The following HECW1 variants were observed in gnomAD, a reference collection of about 807,000 sequenced individuals.
The protein encoded by HECW1 is HECT, C2 and WW domain containing E3 ubiquitin protein ligase 1.
HECW1 carries 61 observed loss-of-function variants against 182.3 expected under a neutral mutation model. The observed-to-expected ratio is 0.33, with a 90% CI of 0.27 to 0.41. HECW1 has a LOEUF of 0.41. Among genes scored for constraint, HECW1 ranks in the 10% least tolerant of loss-of-function variants. The pLI is 1.00. For missense variants in HECW1, 1,739 were observed against 2,108.9 expected, an observed-to-expected ratio of 0.82 and a Z score of 3.44; for synonymous variants, 859 against 832.6, an observed-to-expected ratio of 1.03 and a Z score of -0.55.
chr7:43,190,788 C>G (rs1793844348), intron 2 of HECW1, among the ~76,000 whole-genome samples: 1 of 152,230 alleles, frequency 6.6e-6, no homozygotes, highest in African/African-American at 2.4e-5. Context: ...CTCCCTTATT[C>G]AAGGCCTCTA....
At chr7:43,151,962 A>G (rs6970166) in intron 2 of HECW1, among the ~76,000 whole-genome samples, 109,981 of 151,942 alleles carry the variant, frequency 0.72, 40,121 homozygotes, top group South Asian at 0.87. Flanking sequence ...TAATTTCATG[A>G]GTAAAGACAT....
intron 24 of HECW1, among the ~76,000 whole-genome samples, chr7:43,518,809 G>A (rs1335812538): frequency 6.6e-6 from 1 of 152,128 alleles, no homozygotes; most frequent in East Asian, 1.9e-4. Context: ...AGGTAACAAT[G>A]ATATATCACC....
intron 9 of HECW1, among the ~76,000 whole-genome samples, chr7:43,441,380 C>T (rs750719561): frequency 4.6e-5 from 7 of 152,086 alleles, no homozygotes; most frequent in Non-Finnish European, 7.4e-5. Flanking sequence ...GAGCAGGTGC[C>T]ATTCTGTAGC....
chr7:43,550,337 T>C, intron 26 of HECW1, 108 bp from the exon 27 acceptor site: 1 of 1,168,084 alleles, frequency 8.6e-7, no homozygotes, highest in Middle Eastern at 2.0e-4. Flanking sequence ...TGCTGAATAA[T>C]GCCCTGTAGA....
chr7:43,264,584 G>A (rs575414865), intron 3 of HECW1, among the ~76,000 whole-genome samples: 14 of 152,082 alleles, frequency 9.2e-5, no homozygotes, highest in East Asian at 7.7e-4. Context: ...GGTGGCTCAC[G>A]CCTGTAATCT....
intron 24 of HECW1, among the ~76,000 whole-genome samples, chr7:43,525,739 C>T (rs998825525): frequency 3.9e-5 from 6 of 152,088 alleles, no homozygotes; most frequent in Non-Finnish European, 5.9e-5. Context: ...TCATTGTGAA[C>T]GATAAATGGG....
intron 8 of HECW1, among the ~76,000 whole-genome samples, chr7:43,437,235 CTGTG>C (rs1377573892): frequency 6.6e-6 from 1 of 152,254 alleles, no homozygotes; most frequent in East Asian, 1.9e-4. Flanking sequence ...CTTTTCATGT[CTGTG>C]TATGTTGATT....
rs1323614523 is a variant in HECW1, at chr7:43,550,350, A to G, written c.4249-95A>G. The G allele has an allele frequency of 8.8e-6, 12 of 1,361,350 alleles. No individual in the cohort carries two copies. In the Admixed American group the frequency reaches 1.7e-4, roughly 19 times the overall value. 84.3% of individuals were successfully genotyped at this position (1,361,350 alleles called of 1,614,324 possible). A position where few individuals can be genotyped will look rare whatever the true frequency, so the allele number is the denominator to read the frequency against. ...AATGCTGAATAATGCCCTGTAGAGGATTTTTGGCATACGGTCATCCCCCTA... is the reference window on the plus strand; with the variant it reads ...AATGCTGAATAATGCCCTGTAGAGGGTTTTTGGCATACGGTCATCCCCCTA... On this transcript the variant is annotated intron_variant, in intron 26 of 29. Coordinates refer to ENST00000395891, the MANE Select transcript of HECW1 (RefSeq NM_015052.5).
At chr7:43,363,660 A>G (rs1215268356) in intron 6 of HECW1, among the ~76,000 whole-genome samples, 2 of 152,148 alleles carry the variant, frequency 1.3e-5, no homozygotes, top group Non-Finnish European at 2.9e-5. Flanking sequence ...AAGGCAGTAC[A>G]CACAATCCCA....
chr7:43,493,340 G>A (rs2079003688), intron 19 of HECW1, among the ~76,000 whole-genome samples, 160 bp downstream of exon 19: 1 of 152,036 alleles, frequency 6.6e-6, no homozygotes, highest in Non-Finnish European at 1.5e-5. Context: ...CGGGGTTCCT[G>A]TATTCTGGGA....
At chr7:43,281,838 T>C (rs1463857557) in intron 3 of HECW1, among the ~76,000 whole-genome samples, 1 of 150,090 alleles carries the variant, frequency 6.7e-6, no homozygotes, top group African/African-American at 2.4e-5. Context: ...TGGGATTTAA[T>C]ATTATGGGTG....
intron 2 of HECW1, among the ~76,000 whole-genome samples, chr7:43,141,387 CCTGGGG>C (rs1050430179): frequency 1.8e-4 from 28 of 152,332 alleles, no homozygotes; most frequent in African/African-American, 6.5e-4. Context: ...AACTGCTGCA[CCTGGGG>C]CTGAGCCCTT....
At chr7:43,381,078 A>C (rs2074532257) in intron 6 of HECW1, among the ~76,000 whole-genome samples, 1 of 152,152 alleles carries the variant, frequency 6.6e-6, no homozygotes, top group Admixed American at 6.5e-5. Context: ...TATCTTCCTG[A>C]TGATTAATGA....
chr7:43,241,335 G>A (rs1798854972), intron 2 of HECW1: 1 of 152,184 alleles, frequency 6.6e-6, no homozygotes, highest in Non-Finnish European at 1.5e-5. Flanking sequence ...GTTCCATCCA[G>A]GTTCTCTTTG....
At chr7:43,471,659 A>G (rs2078029973) in intron 16 of HECW1, among the ~76,000 whole-genome samples, 1 of 152,196 alleles carries the variant, frequency 6.6e-6, no homozygotes, top group Admixed American at 6.5e-5. Context: ...CCAATTTTAT[A>G]GAGATTGCAT....
chr7:43,430,821 C>G (rs1421315455), intron 8 of HECW1, among the ~76,000 whole-genome samples: 2 of 55,866 alleles, frequency 3.6e-5, no homozygotes, highest in African/African-American at 1.3e-4. Context: ...TCGCTCTGTC[C>G]CCCAGGCTGG....
At position 43,432,999 on chromosome 7, in the gene HECW1, G is replaced by A. The variant is rs1463483418; in HGVS notation, c.802-5004G>A. 6.6e-6 allele frequency among the ~76,000 whole-genome samples: 1 copy of A among 152,168 alleles called. No individual in the cohort carries two copies. Among genetic ancestry groups the A allele is most frequent in the Admixed American group, 6.5e-5 (1 of 15,284 alleles). On this transcript the variant is annotated intron_variant, in intron 8 of 29. Transcript: ENST00000395891. This position sits in a 1 kb window ranked among gnomAD's most constrained non-coding sequence, Gnocchi z 4.1. ...CACCAGTGCTAATATCTCTCTGGACGATTGAAGATGATAGGAGCACATCAG... is the reference window on the plus strand; with the variant it reads ...CACCAGTGCTAATATCTCTCTGGACAATTGAAGATGATAGGAGCACATCAG...
intron 5 of HECW1, among the ~76,000 whole-genome samples, chr7:43,345,495 C>A (rs750241528): frequency 6.6e-6 from 1 of 151,900 alleles, no homozygotes; most frequent in East Asian, 1.9e-4. Flanking sequence ...TGAGTAAGTT[C>A]TTTAGTGGTG....
At position 43,311,781 on chromosome 7, in the gene HECW1, T is replaced by A. The variant is rs201086058; in HGVS notation, c.46T>A (p.Phe16Ile). 5 of 1,613,624 alleles carry A rather than the reference T, an allele frequency of 3.1e-6. No homozygotes were observed. The Admixed American group carries it at 8.3e-5, about 27-fold the overall frequency. Residue 16 changes from phenylalanine (F) to isoleucine (I), a missense_variant, in exon 4 of 30, where the codon TTT becomes ATT. By Grantham distance (21) the Phe-to-Ile change is conservative (BLOSUM62 0). Coordinates refer to ENST00000395891, the MANE Select transcript of HECW1 (RefSeq NM_015052.5). Reference protein sequence around the residue: ...CSVKNLYQNRFLGLAAMASPS... With the variant: ...CSVKNLYQNRILGLAAMASPS... ...CCCACAGAATCTGTACCAGAACAGG[T>A]TTTTAGGCCTGGCCGCCATGGCGTC...
Sources: allele counts gnomAD v4.1 joint callset (sites outside exome capture counted in the v4.1 genomes callset), GRCh38; gene constraint gnomAD v4.1.1; non-coding constraint Gnocchi (gnomAD v3.1); transcripts MANE v1.5; gene names NCBI Gene and HGNC (gene_info 2026-07-23, HGNC 2026-07-21).